Variants in DYNC1LI1 observed in about 807,000 individuals in gnomAD.
The protein encoded by DYNC1LI1 is cytoplasmic dynein 1 light intermediate chain 1.
DYNC1LI1 carries 19 observed loss-of-function variants against 63.8 expected under a neutral mutation model. The observed-to-expected ratio is 0.30, with a 90% CI of 0.21 to 0.44. The LOEUF is 0.44. DYNC1LI1 is among the 20% of genes least tolerant of loss of function. The probability of loss-of-function intolerance (pLI) is 1.00; values close to 1 mark genes in which losing one functional copy is unlikely to be tolerated. For missense variants in DYNC1LI1, 565 were observed against 630.2 expected (o/e 0.90, Z 1.11); for synonymous variants, 225 against 232.3 (o/e 0.97, Z 0.28).
intron 8 of DYNC1LI1, chr3:32,530,786 G>A: frequency 2.6e-6 from 1 of 377,594 alleles, no homozygotes; most frequent in Non-Finnish European, 4.8e-6. Flanking sequence ...CACTTGAAAT[G>A]TGGCTAGTGT....
intron 8 of DYNC1LI1, chr3:32,532,459 C>G (rs1039172402): frequency 8.3e-6 from 1 of 121,202 alleles, no homozygotes; most frequent in African/African-American, 3.2e-5. Flanking sequence ...CAGTGAGACT[C>G]CATCTCAAAA....
In DYNC1LI1 at chr3:32,570,334, G is replaced by C; in HGVS notation, c.220+12C>G. On this transcript the variant is annotated intron_variant, in intron 2 of 12. Coordinates refer to ENST00000273130, the MANE Select transcript of DYNC1LI1 (RefSeq NM_016141.4). The stretch of plus-strand genomic sequence containing the variant: ...GGGCCGGGCGGGGCGGGGCGAGGCA[G>C]GGAACACTTACCCAGCAGTAGCACG... 6.3e-7 allele frequency: 1 copy of C among 1,591,214 alleles called. No individual in the cohort carries two copies. The highest frequency in any genetic ancestry group is 1.1e-5 in the South Asian group (1 of 88,100).
chr3:32,538,222 C>G (rs1248017834), intron 5 of DYNC1LI1, among the ~76,000 whole-genome samples: 8 of 141,720 alleles, frequency 5.6e-5, no homozygotes, highest in African/African-American at 2.1e-4. Flanking sequence ...CATAGCAAAA[C>G]TCTCCACAAA....
At position 32,529,556 on chromosome 3, in the gene DYNC1LI1, A is replaced by G; in HGVS notation, c.1290T>C (p.Ile430=). 1.2e-6 allele frequency: 2 copies of G among 1,607,466 alleles called. No individual in the cohort carries two copies. Among genetic ancestry groups the G allele is most frequent in the South Asian group, 2.2e-5 (2 of 90,224 alleles). ...GAGATGTACCTTTCATGTTTGGATC[A>G]ATTTTTTTTGACCCAGCAGGAATGG... is the stretch of plus-strand genomic sequence containing the variant. ...VSPIPAGSKK[I]DPNMKAGATS... The change falls in exon 11 of 13, where the codon ATT becomes ATC. Residue 430 remains isoleucine, a synonymous_variant. Coordinates refer to ENST00000273130, the MANE Select transcript of DYNC1LI1 (RefSeq NM_016141.4).
intron 12 of DYNC1LI1, among the ~76,000 whole-genome samples, chr3:32,527,720 C>T (rs1416811705): frequency 6.6e-6 from 1 of 152,066 alleles, no homozygotes; most frequent in Non-Finnish European, 1.5e-5. Context: ...AAAGCAGCAC[C>T]ATATTAATAA....
At chr3:32,529,803 G>A in intron 10 of DYNC1LI1, 143 bp from the exon 11 acceptor site, 1 of 655,712 alleles carries the variant, frequency 1.5e-6, no homozygotes, top group Non-Finnish European at 2.5e-6. Flanking sequence ...AAAATTGTTA[G>A]CAATCCTGTC....
At chr3:32,536,457 C>A (rs1435757382) in intron 6 of DYNC1LI1, among the ~76,000 whole-genome samples, 2 of 152,126 alleles carry the variant, frequency 1.3e-5, no homozygotes, top group South Asian at 4.1e-4. Flanking sequence ...ACTGGCTCAC[C>A]TAATCCTTGC....
chr3:32,570,837 G>A lies in DYNC1LI1; in HGVS notation c.-67C>T. ...CGAGGCGGCTGAGGCGGTGGCGGTG[G>A]AGGCGGCGGGAACCCGGATATGGGG... On this transcript the variant is annotated 5_prime_UTR_variant, in exon 1 of 13. Coordinates refer to ENST00000273130, the MANE Select transcript of DYNC1LI1 (RefSeq NM_016141.4). 1 of 1,532,960 alleles carries A rather than the reference G, an allele frequency of 6.5e-7. No individual in the cohort carries two copies. 95.0% of individuals were successfully genotyped at this position (1,532,960 alleles called of 1,614,324 possible). A position where few individuals can be genotyped will look rare whatever the true frequency, so the allele number is the denominator to read the frequency against.
intron 8 of DYNC1LI1, 57 bp from the exon 9 acceptor site, chr3:32,530,577 T>C (rs1697682918): frequency 1.4e-6 from 2 of 1,397,528 alleles, no homozygotes; most frequent in African/African-American, 2.9e-5. Context: ...ACACAATTAA[T>C]AATTTATTCT....
At chr3:32,533,451 T>C (rs1353606785) in intron 7 of DYNC1LI1, among the ~76,000 whole-genome samples, 1 of 152,136 alleles carries the variant, frequency 6.6e-6, no homozygotes, top group Non-Finnish European at 1.5e-5. Context: ...CATTCCAGGA[T>C]GGGCAACAGG....
intron 4 of DYNC1LI1, among the ~76,000 whole-genome samples, chr3:32,541,522 A>C (rs1235590729): frequency 6.6e-6 from 1 of 152,194 alleles, no homozygotes; most frequent in Non-Finnish European, 1.5e-5. Flanking sequence ...TAATTCACAA[A>C]GGGCACTGTA....
chr3:32,541,706 A>G lies in DYNC1LI1; in HGVS notation c.569-500T>C, dbSNP rs76493230. 7.2e-3 allele frequency among the ~76,000 whole-genome samples: 1,090 copies of G among 152,330 alleles called. 7 individuals carry two copies. The highest frequency in any genetic ancestry group is 0.024 in the African/African-American group (1,016 of 41,588). ...TGTAACTCTGGTACAACTTAATGAA[A>G]TATTACCAGTGCTGATCAGTTTTTA... is the stretch of plus-strand genomic sequence containing the variant. On this transcript the variant is annotated intron_variant, in intron 4 of 12. Transcript: ENST00000273130.
intron 6 of DYNC1LI1, 79 bp downstream of exon 6, chr3:32,536,932 C>A: frequency 1.3e-6 from 1 of 758,196 alleles, no homozygotes; most frequent in East Asian, 2.9e-5. Context: ...TCAAGTCCAT[C>A]AATTTAATTC....
At position 32,559,679 on chromosome 3, in the gene DYNC1LI1, C is replaced by T. The variant is rs190450073; in HGVS notation, c.220+10667G>A. ...AGCTATCTTGAACACTTCCCAAGTA[C>T]GCATGCCACTGTTTGACATGGTCCC... is the stretch of plus-strand genomic sequence containing the variant. On this transcript the variant is annotated intron_variant, in intron 2 of 12. Transcript: ENST00000273130. Among the ~76,000 whole-genome samples, 9 of 152,250 alleles carry T rather than the reference C, an allele frequency of 5.9e-5. No individual in the cohort carries two copies. In the South Asian group the frequency reaches 1.0e-3, roughly 18 times the overall value.
intron 8 of DYNC1LI1, chr3:32,532,625 C>G (rs1697716672): frequency 6.1e-6 from 1 of 163,768 alleles, no homozygotes; most frequent in Non-Finnish European, 1.3e-5. Flanking sequence ...TTTCTTGGCT[C>G]TTGGCCAAGC....
chr3:32,529,157 CAAAGGCATAAAAACATAAACTCT>C (rs1697662064), intron 11 of DYNC1LI1, among the ~76,000 whole-genome samples: 1 of 152,024 alleles, frequency 6.6e-6, no homozygotes, highest in Non-Finnish European at 1.5e-5. Flanking sequence ...AAATATTATC[CAAAGGCATAAAAACATAAACTCT>C]TTGACCTACT....
chr3:32,538,008 A>ATAATTTATTAT (rs1491321971), intron 5 of DYNC1LI1, among the ~76,000 whole-genome samples: 2 of 26,244 alleles, frequency 7.6e-5, no homozygotes, highest in East Asian at 1.2e-3. Flanking sequence ...TTATATATAT[A>ATAATTTATTAT]ATATATATAT....
At chr3:32,531,566 T>C (rs1697696775) in intron 8 of DYNC1LI1, 1 of 152,222 alleles carries the variant, frequency 6.6e-6, no homozygotes, top group Non-Finnish European at 1.5e-5. Context: ...CCTGAGGTGA[T>C]GCTCAATAAA....
intron 2 of DYNC1LI1, among the ~76,000 whole-genome samples, chr3:32,563,885 C>A (rs1167828196): frequency 6.6e-6 from 1 of 152,250 alleles, no homozygotes; most frequent in Non-Finnish European, 1.5e-5. Flanking sequence ...TAAGTAAAGA[C>A]TGTTCATCAT....
Sources: allele counts gnomAD v4.1 joint callset (sites outside exome capture counted in the v4.1 genomes callset), GRCh38; gene constraint gnomAD v4.1.1; transcripts MANE v1.5; gene names NCBI Gene and HGNC (gene_info 2026-07-23, HGNC 2026-07-21).